The following AGMO variants were observed in gnomAD, a reference collection of about 807,000 sequenced individuals.
AGMO encodes the protein alkylglycerol monooxygenase, also known as glyceryl-ether monooxygenase.
Under a neutral mutation model 60.2 loss-of-function variants are expected in AGMO, and 75 were observed. The ratio of observed to expected loss-of-function variants is 1.25; its 90% CI spans 1.03 to 1.51. The LOEUF is 1.51. Ranked by LOEUF, AGMO falls within the 40% of genes most tolerant of loss-of-function variation. The probability of loss-of-function intolerance (pLI) is 0.00; values close to 1 mark genes in which losing one functional copy is unlikely to be tolerated. For missense variants in AGMO, 763 were observed against 525.5 expected (o/e 1.45, Z -4.42); for synonymous variants, 261 against 177.1 (o/e 1.47, Z -3.76).
intron 3 of AGMO, among the ~76,000 whole-genome samples, chr7:15,461,719 G>A (rs1018601364): frequency 1.3e-5 from 2 of 152,048 alleles, no homozygotes; most frequent in African/African-American, 2.4e-5. Flanking sequence ...CAGGATTTTA[G>A]AATTCGTTTC....
chr7:15,135,238 T>G, the AGMO span, among the ~76,000 whole-genome samples: 1 of 151,912 alleles, frequency 6.6e-6, no homozygotes, highest in African/African-American at 2.4e-5. Flanking sequence ...TTTCTACCAA[T>G]CTGATAGCTA....
the AGMO span, among the ~76,000 whole-genome samples, chr7:15,188,472 A>G: frequency 9.9e-3 from 1,501 of 152,334 alleles, 10 homozygotes; most frequent in South Asian, 0.021. Context: ...TGTACTAAAC[A>G]TAAGTATACT....
intron 12 of AGMO, among the ~76,000 whole-genome samples, chr7:15,244,070 G>C (rs1385295379): frequency 1.3e-5 from 2 of 152,064 alleles, no homozygotes; most frequent in Non-Finnish European, 2.9e-5. Flanking sequence ...ATTTTGTTCA[G>C]ATCTCCTAGC....
intron 5 of AGMO, among the ~76,000 whole-genome samples, chr7:15,405,454 A>C (rs1784660731): frequency 6.6e-6 from 1 of 151,790 alleles, no homozygotes; most frequent in Admixed American, 6.6e-5. Context: ...ACCTTCACTC[A>C]CCAGAGATTT....
intron 12 of AGMO, among the ~76,000 whole-genome samples, chr7:15,322,459 TATATATAA>T (rs1400947629): frequency 1.3e-5 from 1 of 79,518 alleles, no homozygotes; most frequent in Non-Finnish European, 2.5e-5. Flanking sequence ...TATATATAAA[TATATATAA>T]ATATATAAAT....
intron 3 of AGMO, among the ~76,000 whole-genome samples, chr7:15,470,061 A>T (rs552672404): frequency 6.6e-6 from 1 of 152,240 alleles, no homozygotes; most frequent in Non-Finnish European, 1.5e-5. Flanking sequence ...TAAGGCAAAA[A>T]ATGTGGAATA....
intron 10 of AGMO, among the ~76,000 whole-genome samples, chr7:15,367,356 A>G (rs1234699741): frequency 1.3e-5 from 2 of 152,062 alleles, no homozygotes; most frequent in African/African-American, 4.8e-5. Context: ...TGTTTATTGA[A>G]CATCTACTAT....
intron 12 of AGMO, among the ~76,000 whole-genome samples, chr7:15,272,252 T>C (rs1037592851): frequency 1.3e-5 from 2 of 150,878 alleles, no homozygotes; most frequent in Non-Finnish European, 3.0e-5. Context: ...TTACATTAGG[T>C]ATATCTCCTA....
At chr7:15,431,565 G>A (rs1360628271) in intron 3 of AGMO, among the ~76,000 whole-genome samples, 1 of 151,684 alleles carries the variant, frequency 6.6e-6, no homozygotes, top group African/African-American at 2.4e-5. Context: ...AAATATTAAT[G>A]AAATTATTTC....
intron 12 of AGMO, among the ~76,000 whole-genome samples, chr7:15,335,288 G>A (rs900389530): frequency 1.3e-5 from 2 of 151,990 alleles, no homozygotes; most frequent in Admixed American, 1.3e-4. Context: ...GTAAATTTAT[G>A]AAAATTCAAA....
chr7:15,428,116 A>G (rs2128497411), intron 4 of AGMO, among the ~76,000 whole-genome samples: 1 of 151,296 alleles, frequency 6.6e-6, no homozygotes, highest in African/African-American at 2.4e-5. Flanking sequence ...CTGCTAAATT[A>G]TCGGCCTCAT....
the AGMO span, among the ~76,000 whole-genome samples, chr7:15,165,398 A>C: frequency 1.3e-5 from 2 of 152,176 alleles, no homozygotes; most frequent in Admixed American, 6.6e-5. Flanking sequence ...AAAAATTCTG[A>C]AAGTTACCAT....
chr7:15,123,390 T>G, the AGMO span, among the ~76,000 whole-genome samples: 1 of 152,076 alleles, frequency 6.6e-6, no homozygotes. Context: ...GAGAAGTTAT[T>G]TTTTCAATGT....
Position 15,366,132 on chromosome 7 carries a change from C to T in AGMO, c.1157+8G>A, listed in dbSNP as rs745584975. ...AAGTAAAAACAATGCAAGAATTTCA[C>T]TTCTTGCCTTTGATCCAGAAGAAAT... On this transcript the variant is annotated splice_region_variant and intron_variant, in intron 11 of 12. Transcript: ENST00000342526. 3.8e-6 allele frequency: 6 copies of T among 1,594,476 alleles called. No individual in the cohort carries two copies. The highest frequency in any genetic ancestry group is 5.1e-6 in the Non-Finnish European group (6 of 1,167,564).
intron 12 of AGMO, among the ~76,000 whole-genome samples, chr7:15,304,703 G>A (rs979625332): frequency 2.6e-5 from 4 of 151,998 alleles, no homozygotes; most frequent in Admixed American, 6.6e-5. Flanking sequence ...CAAATAAACC[G>A]ACATATTTAT....
chr7:15,499,907 G>GCACACACA (rs367953278), intron 3 of AGMO, among the ~76,000 whole-genome samples: 2,498 of 137,700 alleles, frequency 0.018, 75 homozygotes, highest in African/African-American at 0.056. Context: ...TATGTATTAC[G>GCACACACA]CACACACACA....
chr7:15,349,998 T>G (rs1170202256), intron 12 of AGMO, among the ~76,000 whole-genome samples: 2 of 152,130 alleles, frequency 1.3e-5, no homozygotes, highest in African/African-American at 2.4e-5. Flanking sequence ...TGGTAACTAT[T>G]TAATATTTTT....
At chr7:15,420,419 C>A (rs1198263708) in intron 4 of AGMO, among the ~76,000 whole-genome samples, 1 of 151,856 alleles carries the variant, frequency 6.6e-6, no homozygotes, top group Non-Finnish European at 1.5e-5. Flanking sequence ...GAGGAACTGA[C>A]CAATGGAAAA....
At chr7:15,151,760 C>T in the AGMO span, among the ~76,000 whole-genome samples, 1 of 152,058 alleles carries the variant, frequency 6.6e-6, no homozygotes, top group Non-Finnish European at 1.5e-5. Context: ...GTGGTGTGTG[C>T]ACATGGGAAG....
Sources: gnomAD v4.1 joint callset for allele counts (sites outside exome capture counted in the v4.1 genomes callset) on GRCh38, gnomAD v4.1.1 for gene constraint, MANE v1.5 for transcripts, NCBI Gene and HGNC (gene_info 2026-07-23, HGNC 2026-07-21) for gene names.